Variants in NLRC4 observed in about 807,000 individuals in gnomAD.
NLRC4 encodes NLR family CARD domain-containing protein 4.
A neutral mutation model predicts 79.9 loss-of-function variants in NLRC4; 63 were observed. The observed-to-expected ratio is 0.79, with a 90% CI of 0.64 to 0.97. The LOEUF (loss-of-function observed/expected upper bound fraction) is 0.97, where lower values mean the gene tolerates loss of function less well. Ranked by LOEUF, NLRC4 falls within the 50% of genes least tolerant of loss-of-function variation. The pLI is 0.00. For synonymous variants in NLRC4, 461 were observed against 456.5 expected (o/e 1.01, Z -0.12); for missense variants, 1,074 against 1,215.2 (o/e 0.88, Z 1.73).
chr2:32,263,673 A>C (rs1213897609), intron 1 of NLRC4, among the ~76,000 whole-genome samples: 1 of 152,208 alleles, frequency 6.6e-6, no homozygotes, highest in Non-Finnish European at 1.5e-5. Context: ...GAAAAGGCCA[A>C]GGAGGGAGGC....
intron 5 of NLRC4, among the ~76,000 whole-genome samples, chr2:32,240,245 T>A (rs1412099499): frequency 6.6e-6 from 1 of 151,986 alleles, no homozygotes; most frequent in East Asian, 1.9e-4. Context: ...CCTCCCAGAG[T>A]GCTGGAATTA....
chr2:32,224,820 G>A (rs955749932), intron 8 of NLRC4, 55 bp from the exon 9 acceptor site: 30 of 816,190 alleles, frequency 3.7e-5, no homozygotes, highest in Non-Finnish European at 4.6e-5. Context: ...TAAAAAAAAA[G>A]AGAAATAGGT....
Position 32,261,225 on chromosome 2 carries a change from A to T in NLRC4, c.-119+3513T>A, listed in dbSNP as rs1048442198. On this transcript the variant is annotated intron_variant, in intron 1 of 8. Transcript: ENST00000402280. Reference sequence around the variant, plus strand: ...CAACAACAACAACACCATGTATTTCACCACAAAACCACTCACTCAGGTTCC... The same window carrying T: ...CAACAACAACAACACCATGTATTTCTCCACAAAACCACTCACTCAGGTTCC... 2.0e-5 allele frequency among the ~76,000 whole-genome samples: 3 copies of T among 148,444 alleles called. No homozygotes were observed. In the Admixed American group the frequency reaches 2.0e-4, roughly 10 times the overall value.
At chr2:32,232,473 C>T (rs1367436220) in intron 8 of NLRC4, among the ~76,000 whole-genome samples, 1 of 152,198 alleles carries the variant, frequency 6.6e-6, no homozygotes, top group African/African-American at 2.4e-5. Context: ...TATTTCATTT[C>T]ATACCTCTCA....
chr2:32,241,369 C>CTTTTTT (rs34150887), intron 4 of NLRC4, among the ~76,000 whole-genome samples: 7 of 74,356 alleles, frequency 9.4e-5, no homozygotes, highest in African/African-American at 1.7e-4. Context: ...AAAAAATTTC[C>CTTTTTT]TTTTTTTTTT....
intron 1 of NLRC4, among the ~76,000 whole-genome samples, chr2:32,261,315 C>G (rs79698160): frequency 4.9e-5 from 4 of 81,506 alleles, no homozygotes; most frequent in Admixed American, 1.4e-4. Flanking sequence ...AAGCCTCCCC[C>G]CTTTTGTTTT....
chr2:32,265,233 G>T (rs1256853450), upstream of NLRC4, among the ~76,000 whole-genome samples: 2 of 151,356 alleles, frequency 1.3e-5, no homozygotes, highest in African/African-American at 2.4e-5. Context: ...CAAGCTGGAG[G>T]GCAGTGGCAC....
chr2:32,242,420 A>C (rs212724), intron 4 of NLRC4, among the ~76,000 whole-genome samples: 94,802 of 152,038 alleles, frequency 0.62, 29,843 homozygotes, highest in African/African-American at 0.68. Context: ...TATGAAATTG[A>C]CCAATTTTTT....
chr2:32,250,327 A>G lies in NLRC4; in HGVS notation c.1537T>C (p.Tyr513His), dbSNP rs761131886. ...AGTCCGAGAAGGCAGCCGTGTTGAT[A>G]CACTGCTGCGAGGTGCTTCATAACA... ...RAVMKHLAAVYQHGCLLGLSI... is the reference protein window; with the variant it reads ...RAVMKHLAAVHQHGCLLGLSI... Residue 513 changes from tyrosine to histidine, a missense_variant, in exon 4 of 9, where the codon TAT becomes CAT. Coordinates refer to ENST00000402280, the MANE Select transcript of NLRC4 (RefSeq NM_001199138.2). This position sits in a 1 kb window ranked among gnomAD's most constrained non-coding sequence, Gnocchi z 4.9. The G allele has an allele frequency of 6.2e-7, 1 of 1,614,186 alleles. No homozygotes were observed. Among genetic ancestry groups the G allele is most frequent in the South Asian group, 1.1e-5 (1 of 91,084 alleles).
Position 32,251,469 on chromosome 2 carries a change from C to G in NLRC4, c.395G>C (p.Ser132Thr). 1 of 1,614,076 alleles carries G rather than the reference C, an allele frequency of 6.2e-7. No homozygotes were observed. The highest frequency in any genetic ancestry group is 8.5e-7 in the Non-Finnish European group (1 of 1,180,016). ...EDIDIIFNLK[S>T]TFTEPVLWRK... ...CCACAGGACAGGTTCTGTGAAGGTG[C>G]TTTTCAAGTTAAAAATAATGTCAAT... The change falls in exon 4 of 9, where the codon AGC becomes ACC. Residue 132 changes from serine (S) to threonine (T), a missense_variant. Transcript: ENST00000402280.
At chr2:32,235,601 A>T (rs1276407526) in intron 7 of NLRC4, 33 bp from the exon 8 acceptor site, 3 of 1,593,344 alleles carry the variant, frequency 1.9e-6, no homozygotes, top group Non-Finnish European at 2.6e-6. Flanking sequence ...CAGGGACTGG[A>T]TGGTCTCAAA....
intron 5 of NLRC4, among the ~76,000 whole-genome samples, chr2:32,240,765 A>G (rs1242688527): frequency 6.6e-6 from 1 of 152,234 alleles, no homozygotes; most frequent in East Asian, 1.9e-4. Flanking sequence ...TTAAATAAAA[A>G]CATAGCCAAT....
chr2:32,265,074 C>T (rs559302442), upstream of NLRC4, among the ~76,000 whole-genome samples: 1 of 152,282 alleles, frequency 6.6e-6, no homozygotes, highest in South Asian at 2.1e-4. Context: ...CATTTGTTTC[C>T]TGTTTGTTCA....
chr2:32,249,915 G>C lies in NLRC4; in HGVS notation c.1949C>G (p.Ser650Cys). The change falls in exon 4 of 9, where the codon TCT (serine) becomes TGT (cysteine). Residue 650 changes from serine to cysteine, a missense_variant. Transcript: ENST00000402280. Reference sequence around the variant, plus strand: ...TTCCTGCTTCCAGTTGAAGAACAAAGATACAGCCCTGCTGGGAATGTAGGT... The same window carrying C: ...TTCCTGCTTCCAGTTGAAGAACAAACATACAGCCCTGCTGGGAATGTAGGT... ...PETYIPSRAVSLFFNWKQEFR... is the reference protein window; with the variant it reads ...PETYIPSRAVCLFFNWKQEFR... 6.2e-7 allele frequency: 1 copy of C among 1,614,226 alleles called. No individual in the cohort carries two copies. Among genetic ancestry groups the C allele is most frequent in the Non-Finnish European group, 8.5e-7 (1 of 1,180,056 alleles).
At chr2:32,242,173 C>A (rs899005378) in intron 4 of NLRC4, among the ~76,000 whole-genome samples, 1 of 151,704 alleles carries the variant, frequency 6.6e-6, no homozygotes, top group Non-Finnish European at 1.5e-5. Flanking sequence ...ATGCCCAGCC[C>A]AGAAATCAAA....
At position 32,250,201 on chromosome 2, in the gene NLRC4, C is replaced by G; in HGVS notation, c.1663G>C (p.Val555Leu). ...ILKAININSF[V>L]ECGIHLYQES... ...TGATATAAATGGATGCCACACTCTA[C>G]AAAGGAATTGATGTTTATGGCTTTC... The change falls in exon 4 of 9, where the codon GTA becomes CTA. Residue 555 changes from valine (V) to leucine (L), a missense_variant. By Grantham distance (32) the Val-to-Leu change is conservative. Coordinates refer to ENST00000402280, the MANE Select transcript of NLRC4 (RefSeq NM_001199138.2). The surrounding 1 kb of genome is among the most constrained non-coding windows in gnomAD (Gnocchi z 4.9). 1 of 1,614,220 alleles carries G rather than the reference C, an allele frequency of 6.2e-7. No individual in the cohort carries two copies. The highest frequency in any genetic ancestry group is 1.7e-5 in the Admixed American group (1 of 60,026).
chr2:32,265,451 G>C (rs1687443857), upstream of NLRC4: 1 of 152,444 alleles, frequency 6.6e-6, no homozygotes, highest in Non-Finnish European at 1.5e-5. Context: ...AAAGTGCTGG[G>C]ATTACAGGCG....
At chr2:32,254,949 C>G (rs375799356) in intron 2 of NLRC4, among the ~76,000 whole-genome samples, 6 of 151,872 alleles carry the variant, frequency 4.0e-5, no homozygotes, top group African/African-American at 1.2e-4. Context: ...GTTGACTGAT[C>G]AGAGAGGGAA....
intron 3 of NLRC4, among the ~76,000 whole-genome samples, chr2:32,251,896 G>C (rs1023633323): frequency 6.6e-6 from 1 of 152,202 alleles, no homozygotes; most frequent in African/African-American, 2.4e-5. Context: ...GAATTTGGCA[G>C]AGAAAGATGG....
Sources: gnomAD v4.1 joint callset for allele counts (sites outside exome capture counted in the v4.1 genomes callset) on GRCh38, gnomAD v4.1.1 for gene constraint, Gnocchi (gnomAD v3.1) non-coding constraint, MANE v1.5 for transcripts, NCBI Gene and HGNC (gene_info 2026-07-23, HGNC 2026-07-21) for gene names.